The following CNTNAP2 variants were observed in gnomAD, a reference collection of about 807,000 sequenced individuals.
CNTNAP2 encodes contactin associated protein 2, also known as contactin-associated protein-like 2.
CNTNAP2 carries 98 observed loss-of-function variants against 155.2 expected under a neutral mutation model. That is an observed-to-expected ratio of 0.63 (90% CI 0.54 to 0.75). CNTNAP2 has a LOEUF of 0.75. Among genes scored for constraint, CNTNAP2 ranks in the 30% least tolerant of loss-of-function variants. CNTNAP2 has a pLI of 0.00. For missense variants in CNTNAP2, 1,727 were observed against 1,688.1 expected (o/e 1.02, Z -0.40); for synonymous variants, 651 against 631.2 (o/e 1.03, Z -0.47).
At chr7:147,055,280 T>C (rs777319601) in intron 4 of CNTNAP2, among the ~76,000 whole-genome samples, 1 of 152,200 alleles carries the variant, frequency 6.6e-6, no homozygotes, top group Non-Finnish European at 1.5e-5. Context: ...TAGATGACCA[T>C]GGAGGAATGA....
chr7:146,449,039 G>A (rs376975834), intron 1 of CNTNAP2, among the ~76,000 whole-genome samples: 1 of 152,058 alleles, frequency 6.6e-6, no homozygotes, highest in African/African-American at 2.4e-5. Context: ...CTGTGTTGCC[G>A]AGGCAAGGCC....
chr7:146,249,398 G>A (rs1252359163), intron 1 of CNTNAP2, among the ~76,000 whole-genome samples: 2 of 151,978 alleles, frequency 1.3e-5, no homozygotes, highest in Non-Finnish European at 2.9e-5. Flanking sequence ...TAATAGAAAT[G>A]AGGAAACGTA....
intron 3 of CNTNAP2, among the ~76,000 whole-genome samples, chr7:146,899,612 T>C (rs1159695865): frequency 6.6e-6 from 1 of 152,190 alleles, no homozygotes; most frequent in African/African-American, 2.4e-5. Context: ...GAATGCAGAA[T>C]AGTCAGTAGT....
At chr7:147,192,949 A>G (rs1437873242) in intron 8 of CNTNAP2, among the ~76,000 whole-genome samples, 1 of 152,206 alleles carries the variant, frequency 6.6e-6, no homozygotes, top group Non-Finnish European at 1.5e-5. Context: ...TTATTTAGTG[A>G]ACAGAATTGT....
intron 14 of CNTNAP2, among the ~76,000 whole-genome samples, chr7:147,916,773 C>T (rs574906518): frequency 4.0e-5 from 6 of 151,846 alleles, no homozygotes; most frequent in African/African-American, 1.2e-4. Flanking sequence ...AAAGTGCAGA[C>T]GCAGCAATTG....
intron 9 of CNTNAP2, among the ~76,000 whole-genome samples, chr7:147,333,359 A>G (rs887297730): frequency 7.9e-5 from 12 of 152,238 alleles, no homozygotes; most frequent in African/African-American, 2.9e-4. Context: ...AGGCTAAATG[A>G]AAGGCACTTT....
intron 15 of CNTNAP2, 66 bp downstream of exon 15, chr7:147,978,055 T>C (rs777886330): frequency 7.5e-5 from 119 of 1,595,992 alleles, no homozygotes; most frequent in Non-Finnish European, 9.3e-5. Flanking sequence ...TCCAGGCTCC[T>C]CAGAAGATGC....
chr7:147,146,250 C>T (rs542301040), intron 8 of CNTNAP2: 1 of 154,080 alleles, frequency 6.5e-6, no homozygotes, highest in Admixed American at 6.5e-5. Context: ...TCTCTCTCCT[C>T]TGCTCACCTT....
At chr7:147,951,797 A>G (rs558932136) in intron 14 of CNTNAP2, among the ~76,000 whole-genome samples, 303 of 152,190 alleles carry the variant, frequency 2.0e-3, no homozygotes, top group African/African-American at 7.0e-3. Context: ...GAGGAAGAGC[A>G]TTAGGACAAA....
chr7:148,283,249 A>G (rs866690221), intron 21 of CNTNAP2, among the ~76,000 whole-genome samples: 1 of 70,022 alleles, frequency 1.4e-5, no homozygotes, highest in African/African-American at 4.6e-5. Flanking sequence ...CAAAAAAAAA[A>G]AAAAAAAAAG....
chr7:147,661,940 A>T (rs1216339047), intron 13 of CNTNAP2, among the ~76,000 whole-genome samples: 1 of 152,156 alleles, frequency 6.6e-6, no homozygotes, highest in Non-Finnish European at 1.5e-5. Flanking sequence ...GATTGCAGTC[A>T]TCAAAGCCAT....
chr7:146,126,335 T>G (rs1351418617), intron 1 of CNTNAP2, among the ~76,000 whole-genome samples: 1 of 152,238 alleles, frequency 6.6e-6, no homozygotes, highest in Non-Finnish European at 1.5e-5. Context: ...TGTCATATGT[T>G]CTGGAGACTT....
chr7:147,053,292 A>G (rs1430615758), intron 4 of CNTNAP2, among the ~76,000 whole-genome samples: 3 of 152,050 alleles, frequency 2.0e-5, no homozygotes, highest in Admixed American at 6.6e-5. Context: ...ATGGAAATAT[A>G]TGTTCTAATT....
intron 1 of CNTNAP2, among the ~76,000 whole-genome samples, chr7:146,395,826 G>GA (rs1563068432): frequency 2.6e-3 from 298 of 116,780 alleles, no homozygotes; most frequent in Non-Finnish European, 4.3e-3. Flanking sequence ...GATAGATAGA[G>GA]GAGAGAGAGA....
chr7:147,694,281 A>C (rs1378274363), intron 13 of CNTNAP2, among the ~76,000 whole-genome samples: 1 of 152,056 alleles, frequency 6.6e-6, no homozygotes, highest in South Asian at 2.1e-4. Context: ...GGATTTTTAC[A>C]TCTATATTCA....
intron 18 of CNTNAP2, among the ~76,000 whole-genome samples, chr7:148,187,859 T>C (rs1263523246): frequency 1.3e-5 from 2 of 152,146 alleles, no homozygotes; most frequent in East Asian, 1.9e-4. Context: ...CTTGCAAGCA[T>C]ACAAGAGTAT....
Position 147,721,347 on chromosome 7 carries a change from TG to T in CNTNAP2, c.2098+82044del, listed in dbSNP as rs1210552901. ...TGACAAAATCAGAATATATATGTTATGGGTTTGCAGTTTTCAATCACTTTTT... is the reference window on the plus strand; with the variant it reads ...TGACAAAATCAGAATATATATGTTATGGTTTGCAGTTTTCAATCACTTTTT... On this transcript the variant is annotated intron_variant, in intron 13 of 23. Transcript: ENST00000361727. Among the ~76,000 whole-genome samples the T allele has an allele frequency of 2.6e-5, 4 of 152,250 alleles. No homozygotes were observed. The East Asian group carries it at 7.7e-4, about 29-fold the overall frequency.
At chr7:147,680,615 A>G (rs1795934230) in intron 13 of CNTNAP2, among the ~76,000 whole-genome samples, 1 of 151,858 alleles carries the variant, frequency 6.6e-6, no homozygotes, top group Non-Finnish European at 1.5e-5. Context: ...ATACAAAAGT[A>G]TTTCAATACC....
chr7:146,976,590 G>C (rs893043789), intron 3 of CNTNAP2, among the ~76,000 whole-genome samples: 7 of 152,174 alleles, frequency 4.6e-5, no homozygotes, highest in Admixed American at 2.0e-4. Context: ...CTAGGGTGAG[G>C]TATGCAGGAA....
Sources: gnomAD v4.1 joint callset for allele counts (sites outside exome capture counted in the v4.1 genomes callset) on GRCh38, gnomAD v4.1.1 for gene constraint, MANE v1.5 for transcripts, NCBI Gene and HGNC (gene_info 2026-07-23, HGNC 2026-07-21) for gene names.